The following ZHX2 variants were observed in gnomAD, a reference collection of about 807,000 sequenced individuals.
The protein encoded by ZHX2 is zinc fingers and homeoboxes protein 2.
ZHX2 carries 6 observed loss-of-function variants against 21.9 expected under a neutral mutation model. That is an observed-to-expected ratio of 0.27 (90% CI 0.15 to 0.54). The LOEUF (loss-of-function observed/expected upper bound fraction) is 0.54. Among genes scored for constraint, ZHX2 ranks in the 20% least tolerant of loss-of-function variants. The probability of loss-of-function intolerance (pLI) is 0.95; values close to 1 mark genes in which losing one functional copy is unlikely to be tolerated. For synonymous variants in ZHX2, 434 were observed against 437.1 expected, an observed-to-expected ratio of 0.99 and a Z score of 0.09; for missense variants, 908 against 1,090.7, an observed-to-expected ratio of 0.83 and a Z score of 2.36.
chr8:122,870,304 A>G (rs1563761719), intron 2 of ZHX2, among the ~76,000 whole-genome samples: 3 of 152,074 alleles, frequency 2.0e-5, no homozygotes, highest in Non-Finnish European at 2.9e-5. Context: ...TTTTTAACCA[A>G]GGGAGTGATA....
chr8:122,797,589 G>A (rs903802968), intron 1 of ZHX2, among the ~76,000 whole-genome samples: 1 of 150,658 alleles, frequency 6.6e-6, no homozygotes, highest in Non-Finnish European at 1.5e-5. Flanking sequence ...TCGGGGCAAA[G>A]TCCAGACCTG....
intron 2 of ZHX2, among the ~76,000 whole-genome samples, chr8:122,933,879 A>G (rs1432527009): frequency 6.6e-6 from 1 of 152,168 alleles, no homozygotes; most frequent in African/African-American, 2.4e-5. Flanking sequence ...CAGCTTTACA[A>G]TACATCTAGG....
At chr8:122,860,390 A>G (rs377468896) in intron 1 of ZHX2, among the ~76,000 whole-genome samples, 35 of 152,376 alleles carry the variant, frequency 2.3e-4, no homozygotes, top group African/African-American at 7.7e-4. Context: ...TTCTGCTATT[A>G]AATGATATAT....
Position 122,953,905 on chromosome 8 carries a change from G to A in ZHX2, c.2395G>A (p.Gly799Arg), listed in dbSNP as rs752370410. ...SVVDYVEVTVGEEDAISDRSD... is the reference protein window; with the variant it reads ...SVVDYVEVTVREEDAISDRSD... ...TGTGGATTACGTGGAGGTGACGGTCGGGGAGGAGGATGCGATCTCAGATAG... is the reference window on the plus strand; with the variant it reads ...TGTGGATTACGTGGAGGTGACGGTCAGGGAGGAGGATGCGATCTCAGATAG... Residue 799 changes from glycine (G) to arginine (R), a missense_variant, in exon 3 of 4, where the codon GGG becomes AGG. Around this residue, in one of 4 missense-constraint regions of ZHX2, gnomAD observed 431 missense variants for 428.6 expected, o/e 1.01. Transcript: ENST00000314393. The surrounding 1 kb of genome is among the most constrained non-coding windows in gnomAD (Gnocchi z 4.6). 29 of 1,614,044 alleles carry A rather than the reference G, an allele frequency of 1.8e-5. No individual in the cohort carries two copies. The East Asian group carries it at 2.2e-4, about 12-fold the overall frequency.
intron 2 of ZHX2, among the ~76,000 whole-genome samples, chr8:122,874,576 G>A (rs1269875570): frequency 1.3e-5 from 2 of 152,002 alleles, no homozygotes; most frequent in African/African-American, 2.4e-5. Flanking sequence ...CAAGTGATCC[G>A]CCTACCTCGG....
rs1813108174 is a variant in ZHX2 at position 122,951,481 on chromosome 8, A to G, written c.-30A>G. On this transcript the variant is annotated 5_prime_UTR_variant, in exon 3 of 4. Coordinates refer to ENST00000314393, the MANE Select transcript of ZHX2 (RefSeq NM_014943.5). The stretch of plus-strand genomic sequence containing the variant: ...ACCGCCCCCTCCTTATCCCCCTCCA[A>G]AAATAAGCCATTGCACACAGACAGG... 38 of 1,570,780 alleles carry G rather than the reference A, an allele frequency of 2.4e-5. No individual in the cohort carries two copies. The highest frequency in any genetic ancestry group is 2.8e-5 in the Non-Finnish European group (32 of 1,150,794).
chr8:122,882,391 C>G (rs1819734596), intron 2 of ZHX2, among the ~76,000 whole-genome samples: 1 of 152,084 alleles, frequency 6.6e-6, no homozygotes, highest in South Asian at 2.1e-4. Context: ...TCTGCAACCA[C>G]CGTGAATGTG....
intron 1 of ZHX2, among the ~76,000 whole-genome samples, chr8:122,818,097 G>A (rs527591479): frequency 2.6e-5 from 4 of 152,262 alleles, no homozygotes; most frequent in South Asian, 2.1e-4. Context: ...CGGAGGCAAG[G>A]AATCCAGGAC....
intron 2 of ZHX2, among the ~76,000 whole-genome samples, chr8:122,916,413 G>A (rs1451956368): frequency 1.3e-5 from 2 of 152,244 alleles, no homozygotes; most frequent in Non-Finnish European, 2.9e-5. Flanking sequence ...TCCTGGGAAC[G>A]CTCTGATCAT....
chr8:122,917,668 T>G (rs1820638297), intron 2 of ZHX2, among the ~76,000 whole-genome samples: 1 of 152,152 alleles, frequency 6.6e-6, no homozygotes, highest in Non-Finnish European at 1.5e-5. Flanking sequence ...ACTAACATGG[T>G]CTTCTTAAGT....
At position 122,953,392 on chromosome 8, in the gene ZHX2, A is replaced by G. The variant is rs748191660; in HGVS notation, c.1882A>G (p.Ser628Gly). Residue 628 changes from serine to glycine, a missense_variant, in exon 3 of 4, where the codon AGC becomes GGC. By Grantham distance (56) the Ser-to-Gly change is moderately conservative (BLOSUM62 0). Around this residue, in one of 4 missense-constraint regions of ZHX2, gnomAD observed 431 missense variants for 428.6 expected, o/e 1.01. Coordinates refer to ENST00000314393, the MANE Select transcript of ZHX2 (RefSeq NM_014943.5). This position sits in a 1 kb window ranked among gnomAD's most constrained non-coding sequence, Gnocchi z 4.6. Reference protein sequence around the residue: ...SGAQLTSSLPSPSPAIAKSQE... With the variant: ...SGAQLTSSLPGPSPAIAKSQE... Reference sequence around the variant, plus strand: ...TGCCCAGTTAACAAGTTCTCTGCCCAGCCCTTCGCCAGCAATTGCAAAAAG... The same window carrying G: ...TGCCCAGTTAACAAGTTCTCTGCCCGGCCCTTCGCCAGCAATTGCAAAAAG... 2 of 1,614,080 alleles carry G rather than the reference A, an allele frequency of 1.2e-6. No individual in the cohort carries two copies. Among genetic ancestry groups the G allele is most frequent in the Non-Finnish European group, 8.5e-7 (1 of 1,180,054 alleles).
intron 1 of ZHX2, among the ~76,000 whole-genome samples, chr8:122,827,121 T>C (rs1382869036): frequency 1.3e-5 from 2 of 152,148 alleles, no homozygotes; most frequent in Non-Finnish European, 2.9e-5. Context: ...CCAGGCTCAA[T>C]TGATCCTCCC....
At chr8:122,796,418 G>C (rs1173873859) in intron 1 of ZHX2, among the ~76,000 whole-genome samples, 1 of 152,106 alleles carries the variant, frequency 6.6e-6, no homozygotes, top group Non-Finnish European at 1.5e-5. Flanking sequence ...TACTTAGTGT[G>C]CTAAGTACTT....
At chr8:122,823,608 G>A (rs1420216198) in intron 1 of ZHX2, among the ~76,000 whole-genome samples, 1 of 152,208 alleles carries the variant, frequency 6.6e-6, no homozygotes, top group Non-Finnish European at 1.5e-5. Flanking sequence ...TACTCCGACT[G>A]TCTCCATGCC....
intron 1 of ZHX2, among the ~76,000 whole-genome samples, chr8:122,789,581 C>T (rs910024939): frequency 6.6e-6 from 1 of 152,068 alleles, no homozygotes. Context: ...TAGGGAGAGG[C>T]CAGGAGGCCA....
chr8:122,835,998 GC>G (rs1818487102), intron 1 of ZHX2, among the ~76,000 whole-genome samples: 1 of 152,114 alleles, frequency 6.6e-6, no homozygotes, highest in Non-Finnish European at 1.5e-5. Context: ...AGCCTAGAGG[GC>G]TGTCCTTTGG....
chr8:122,806,378 G>C (rs1452178046), intron 1 of ZHX2, among the ~76,000 whole-genome samples: 1 of 152,208 alleles, frequency 6.6e-6, no homozygotes, highest in South Asian at 2.1e-4. Flanking sequence ...AGAAACCTGA[G>C]AGCTGAGAAA....
intron 2 of ZHX2, among the ~76,000 whole-genome samples, chr8:122,870,690 G>A (rs1027210353): frequency 2.0e-5 from 3 of 148,256 alleles, no homozygotes; most frequent in African/African-American, 7.5e-5. Flanking sequence ...GAACTGGTCA[G>A]AGTGCAGATG....
intron 2 of ZHX2, among the ~76,000 whole-genome samples, chr8:122,873,453 G>A (rs758522264): frequency 6.6e-6 from 1 of 152,152 alleles, no homozygotes; most frequent in Non-Finnish European, 1.5e-5. Flanking sequence ...CTGAGCTGGT[G>A]CCTGTCCGTA....
Sources: gnomAD v4.1 joint callset for allele counts (sites outside exome capture counted in the v4.1 genomes callset) on GRCh38, gnomAD v4.1.1 for gene constraint, gnomAD v4.1.1 regional missense constraint, Gnocchi (gnomAD v3.1) non-coding constraint, MANE v1.5 for transcripts, NCBI Gene and HGNC (gene_info 2026-07-23, HGNC 2026-07-21) for gene names.